UNC5C: variants seen among roughly 807,000 people sequenced by gnomAD.
UNC5C encodes netrin receptor UNC5C.
A neutral mutation model predicts 99.8 loss-of-function variants in UNC5C; 47 were observed. The ratio of observed to expected loss-of-function variants is 0.47; its 90% CI spans 0.37 to 0.60. UNC5C has a LOEUF of 0.60. UNC5C is among the 20% of genes least tolerant of loss of function. The pLI is 0.00. For missense variants in UNC5C, 1,062 were observed against 1,165.9 expected, an observed-to-expected ratio of 0.91 and a Z score of 1.30; for synonymous variants, 487 against 452.2, an observed-to-expected ratio of 1.08 and a Z score of -0.98.
chr4:95,354,481 T>TATA (rs1274789806), intron 1 of UNC5C, among the ~76,000 whole-genome samples: 67 of 99,716 alleles, frequency 6.7e-4, no homozygotes, highest in African/African-American at 2.7e-3. Flanking sequence ...ATATATATAT[T>TATA]TTTTTTTTTT....
At chr4:95,375,740 A>G (rs1033515940) in intron 1 of UNC5C, among the ~76,000 whole-genome samples, 1 of 152,206 alleles carries the variant, frequency 6.6e-6, no homozygotes, top group Non-Finnish European at 1.5e-5. Flanking sequence ...CTCATTATTT[A>G]GCATTATTGT....
At chr4:95,311,987 T>C (rs1413068767) in intron 2 of UNC5C, among the ~76,000 whole-genome samples, 1 of 151,888 alleles carries the variant, frequency 6.6e-6, no homozygotes, top group East Asian at 1.9e-4. Context: ...TTTGACCTTA[T>C]GGTGAGCTAT....
At chr4:95,517,384 C>T (rs887063015) in intron 1 of UNC5C, among the ~76,000 whole-genome samples, 5 of 152,140 alleles carry the variant, frequency 3.3e-5, no homozygotes, top group African/African-American at 9.6e-5. Context: ...GCATAAATAT[C>T]GGACTACCTG....
intron 2 of UNC5C, among the ~76,000 whole-genome samples, chr4:95,324,334 T>A (rs189489072): frequency 2.6e-4 from 39 of 152,312 alleles, no homozygotes; most frequent in African/African-American, 9.1e-4. Flanking sequence ...TCTGTCACTG[T>A]CTCCTATCAC....
At position 95,184,424 on chromosome 4, in the gene UNC5C, G is replaced by A. The variant is rs182628762; in HGVS notation, c.2286+623C>T. ...CTCTAAATATGTCTGCCCCTCCTAG[G>A]ATGGCATATGAGGCTTGCAATCCCG... is the stretch of plus-strand genomic sequence containing the variant. On this transcript the variant is annotated intron_variant, in intron 13 of 15. Coordinates refer to ENST00000453304, the MANE Select transcript of UNC5C (RefSeq NM_003728.4). Among the ~76,000 whole-genome samples the A allele has an allele frequency of 5.5e-3, 833 of 152,260 alleles. 4 individuals are homozygous for A. Among genetic ancestry groups the A allele is most frequent in the Non-Finnish European group, 6.9e-3 (466 of 68,024 alleles).
chr4:95,237,901 G>A (rs987673182), intron 7 of UNC5C, among the ~76,000 whole-genome samples: 4 of 152,096 alleles, frequency 2.6e-5, no homozygotes, highest in Non-Finnish European at 5.9e-5. Flanking sequence ...AATTAGCTGG[G>A]TGTGGTGGTG....
intron 2 of UNC5C, among the ~76,000 whole-genome samples, chr4:95,329,437 A>G (rs1743027210): frequency 6.6e-6 from 1 of 152,196 alleles, no homozygotes; most frequent in Non-Finnish European, 1.5e-5. Context: ...TAATCAGTGA[A>G]ATCTATATAC....
Position 95,176,826 on chromosome 4 carries a change from G to C in UNC5C, c.2451+6071C>G, listed in dbSNP as rs9307154. The stretch of plus-strand genomic sequence containing the variant: ...CTAAGCAAGTCTGGGCAATGGCGGG[G>C]GCCCCTCCCCCAGCCTCGCTGCCGC... On this transcript the variant is annotated intron_variant, in intron 14 of 15. Coordinates refer to ENST00000453304, the MANE Select transcript of UNC5C (RefSeq NM_003728.4). Among the ~76,000 whole-genome samples the C allele has an allele frequency of 2.8e-3, 428 of 152,036 alleles. 3 individuals carry two copies. The highest frequency in any genetic ancestry group is 0.01 in the Middle Eastern group (3 of 294).
intron 1 of UNC5C, among the ~76,000 whole-genome samples, chr4:95,525,913 A>G (rs1722488147): frequency 6.6e-6 from 1 of 152,148 alleles, no homozygotes; most frequent in Admixed American, 6.5e-5. Context: ...TTGAAAAATC[A>G]TCTGTCATAA....
chr4:95,352,190 G>A (rs572829884), intron 1 of UNC5C, among the ~76,000 whole-genome samples: 234 of 152,176 alleles, frequency 1.5e-3, no homozygotes, highest in African/African-American at 5.2e-3. Context: ...TACTAAGGCC[G>A]AAAAGAACTC....
intron 15 of UNC5C, 78 bp from the exon 16 acceptor site, chr4:95,169,477 C>G (rs1158841522): frequency 2.7e-6 from 4 of 1,500,050 alleles, no homozygotes; most frequent in East Asian, 4.5e-5. Context: ...CTTTCTGTCT[C>G]TCTACTTGTC....
intron 2 of UNC5C, among the ~76,000 whole-genome samples, chr4:95,327,164 A>C (rs1045025719): frequency 6.6e-6 from 1 of 152,182 alleles, no homozygotes; most frequent in African/African-American, 2.4e-5. Flanking sequence ...TGCAGGGTGG[A>C]TCTAGCTTCA....
intron 1 of UNC5C, among the ~76,000 whole-genome samples, chr4:95,545,772 G>GCGCACACACA (rs6148582): frequency 0.012 from 1,707 of 148,374 alleles, 28 homozygotes; most frequent in African/African-American, 0.039. Flanking sequence ...GCGCGCGCGC[G>GCGCACACACA]CACACACACA....
chr4:95,415,780 G>T (rs527791779), intron 1 of UNC5C, among the ~76,000 whole-genome samples: 1 of 152,108 alleles, frequency 6.6e-6, no homozygotes, highest in Non-Finnish European at 1.5e-5. Context: ...AATAACTAGA[G>T]TAGGTTTATT....
rs555555013 is a variant in UNC5C, at chr4:95,373,437, G to A, written c.125-37806C>T. Among the ~76,000 whole-genome samples the A allele has an allele frequency of 2.5e-4, 38 of 152,160 alleles. 1 individual carries two copies. Among genetic ancestry groups the A allele is most frequent in the African/African-American group, 7.7e-4 (32 of 41,506 alleles). ...TATCCTGCTCCCTCCACGCATCCAG[G>A]AGCACTCTCTACTGTTGCTTTGCCA... On this transcript the variant is annotated intron_variant, in intron 1 of 15. Transcript: ENST00000453304.
chr4:95,352,002 G>A (rs1412579222), intron 1 of UNC5C, among the ~76,000 whole-genome samples: 1 of 151,950 alleles, frequency 6.6e-6, no homozygotes, highest in Non-Finnish European at 1.5e-5. Context: ...CTTCCTTGCT[G>A]CCTGGATACA....
chr4:95,531,693 G>A (rs1215592744), intron 1 of UNC5C, among the ~76,000 whole-genome samples: 1 of 152,160 alleles, frequency 6.6e-6, no homozygotes, highest in African/African-American at 2.4e-5. Flanking sequence ...GGGAAACACT[G>A]GGTTTAATAT....
intron 1 of UNC5C, among the ~76,000 whole-genome samples, chr4:95,516,571 T>C (rs192351661): frequency 6.6e-6 from 1 of 152,292 alleles, no homozygotes; most frequent in East Asian, 1.9e-4. Flanking sequence ...TGTGTGTAAA[T>C]GCCAGTGGCA....
In UNC5C at chr4:95,483,593, T is replaced by C. The variant is rs371939535; in HGVS notation, c.124+65141A>G. 1.6e-4 allele frequency among the ~76,000 whole-genome samples: 24 copies of C among 151,880 alleles called. No individual in the cohort carries two copies. The East Asian group carries it at 4.1e-3, about 26-fold the overall frequency. On this transcript the variant is annotated intron_variant, in intron 1 of 15. Coordinates refer to ENST00000453304, the MANE Select transcript of UNC5C (RefSeq NM_003728.4). ...GGCTGAGAAACAGACCCTTTTATGG[T>C]TCTATATTGTATTCTCATTAATTCA...
Sources: gnomAD v4.1 joint callset for allele counts (sites outside exome capture counted in the v4.1 genomes callset) on GRCh38, gnomAD v4.1.1 for gene constraint, MANE v1.5 for transcripts, NCBI Gene and HGNC (gene_info 2026-07-23, HGNC 2026-07-21) for gene names.